The following SEPTIN9 variants were observed in gnomAD, a reference collection of about 807,000 sequenced individuals.
The protein encoded by SEPTIN9 is septin-9.
Under a neutral mutation model 56.6 loss-of-function variants are expected in SEPTIN9, and 13 were observed. That is an observed-to-expected ratio of 0.23 (90% CI 0.15 to 0.37). The LOEUF (loss-of-function observed/expected upper bound fraction) is 0.37, where lower values mean the gene tolerates loss of function less well. Ranked by LOEUF, SEPTIN9 falls within the 10% of genes least tolerant of loss-of-function variation. SEPTIN9 has a pLI of 1.00. For missense variants in SEPTIN9, 650 were observed against 823.1 expected (o/e 0.79, Z 2.57); for synonymous variants, 332 against 334.1 (o/e 0.99, Z 0.07).
At chr17:77,463,923 C>T (rs1293545658) in intron 3 of SEPTIN9, among the ~76,000 whole-genome samples, 1 of 152,092 alleles carries the variant, frequency 6.6e-6, no homozygotes, top group Non-Finnish European at 1.5e-5. Context: ...GAGAACACAG[C>T]ATTCCTACAA....
In SEPTIN9 at chr17:77,310,572, C is replaced by T. The variant is rs548636240; in HGVS notation, c.76+3375C>T. Reference sequence around the variant, plus strand: ...AGGTCTTCTCTGTTACTAGTGCTGCCGGGAACGTGTGTTTCCCCAGGTGGA... The same window carrying T: ...AGGTCTTCTCTGTTACTAGTGCTGCTGGGAACGTGTGTTTCCCCAGGTGGA... On this transcript the variant is annotated intron_variant, in intron 2 of 11. Transcript: ENST00000427177. This position sits in a 1 kb window ranked among gnomAD's most constrained non-coding sequence, Gnocchi z 4.7. Among the ~76,000 whole-genome samples the T allele has an allele frequency of 5.6e-4, 75 of 133,758 alleles. No individual in the cohort carries two copies. Among genetic ancestry groups the T allele is most frequent in the African/African-American group, 2.0e-3 (65 of 33,298 alleles). 87.8% of individuals were successfully genotyped at this position (133,758 alleles called of 152,430 possible).
At chr17:77,380,925 A>G (rs1598282582) in intron 2 of SEPTIN9, among the ~76,000 whole-genome samples, 1 of 151,752 alleles carries the variant, frequency 6.6e-6, no homozygotes, top group African/African-American at 2.4e-5. Context: ...TTTCCTTCTC[A>G]CCCCTTCTAC....
rs564027269 is a variant in SEPTIN9 at position 77,369,795 on chromosome 17, C to G, written c.77-32264C>G. On this transcript the variant is annotated intron_variant, in intron 2 of 11. Coordinates refer to ENST00000427177, the MANE Select transcript of SEPTIN9 (RefSeq NM_001113491.2). The surrounding 1 kb of genome is among the most constrained non-coding windows in gnomAD (Gnocchi z 4.9). ...TTGCTTCCCTGCCAGCTGAGCCTCT[C>G]CATGGAGGCTGTGCCTGGAGGGGGG... is the stretch of plus-strand genomic sequence containing the variant. Among the ~76,000 whole-genome samples the G allele has an allele frequency of 1.3e-5, 2 of 152,232 alleles. No homozygotes were observed. Among genetic ancestry groups the G allele is most frequent in the Non-Finnish European group, 2.9e-5 (2 of 68,032 alleles).
intron 3 of SEPTIN9, among the ~76,000 whole-genome samples, chr17:77,455,094 G>A (rs1173272340): frequency 2.6e-5 from 4 of 150,978 alleles, no homozygotes; most frequent in Admixed American, 1.3e-4. Flanking sequence ...CACTAAATGC[G>A]ATTTGTCAAT....
chr17:77,413,839 C>A (rs2036389296), intron 3 of SEPTIN9, among the ~76,000 whole-genome samples: 1 of 151,594 alleles, frequency 6.6e-6, no homozygotes. Context: ...CCAGGACACA[C>A]CTATATATGG....
In SEPTIN9 at chr17:77,369,771, T is replaced by G. The variant is rs2034665487; in HGVS notation, c.77-32288T>G. Reference sequence around the variant, plus strand: ...CTTCCTTCGCTCTCCGAGCCTCTTTTGCTTCCCTGCCAGCTGAGCCTCTCC... The same window carrying G: ...CTTCCTTCGCTCTCCGAGCCTCTTTGGCTTCCCTGCCAGCTGAGCCTCTCC... On this transcript the variant is annotated intron_variant, in intron 2 of 11. Coordinates refer to ENST00000427177, the MANE Select transcript of SEPTIN9 (RefSeq NM_001113491.2). The surrounding 1 kb of genome is among the most constrained non-coding windows in gnomAD (Gnocchi z 4.9). Among the ~76,000 whole-genome samples, 1 of 152,188 alleles carries G rather than the reference T, an allele frequency of 6.6e-6. No homozygotes were observed. Among genetic ancestry groups the G allele is most frequent in the African/African-American group, 2.4e-5 (1 of 41,446 alleles).
In SEPTIN9 at chr17:77,405,028, T is replaced by G; in HGVS notation, c.721+2325T>G. ...CCATCCTGGGTTGATGTGTTCACAC[T>G]CAGCTGAGTCAAACAGGATGTGGCT... On this transcript the variant is annotated intron_variant, in intron 3 of 11. Transcript: ENST00000427177. The surrounding 1 kb of genome is among the most constrained non-coding windows in gnomAD (Gnocchi z 5.8). 2 of 1,510,254 alleles carry G rather than the reference T, an allele frequency of 1.3e-6. No homozygotes were observed. Among genetic ancestry groups the G allele is most frequent in the Non-Finnish European group, 1.8e-6 (2 of 1,126,774 alleles). The allele number at this position is 1,510,254 out of a possible 1,614,324, so 93.6% of individuals were successfully genotyped here.
chr17:77,299,137 C>A (rs998169362), intron 1 of SEPTIN9, among the ~76,000 whole-genome samples: 1 of 152,226 alleles, frequency 6.6e-6, no homozygotes, highest in African/African-American at 2.4e-5. Context: ...CTGTCCAAGG[C>A]CACACGGCTC....
At chr17:77,455,950 G>A (rs1379233928) in intron 3 of SEPTIN9, among the ~76,000 whole-genome samples, 1 of 152,190 alleles carries the variant, frequency 6.6e-6, no homozygotes, top group East Asian at 1.9e-4. Flanking sequence ...CATTTCCTCG[G>A]GGATTTGAAC....
intron 2 of SEPTIN9, among the ~76,000 whole-genome samples, chr17:77,316,195 C>T (rs2032697496): frequency 6.6e-6 from 1 of 152,230 alleles, no homozygotes; most frequent in South Asian, 2.1e-4. Flanking sequence ...TGGGTCTGCA[C>T]TGGCCTGGTG....
intron 3 of SEPTIN9, chr17:77,446,077 G>A (rs1260716680): frequency 6.0e-6 from 1 of 167,540 alleles, no homozygotes; most frequent in Non-Finnish European, 1.5e-5. Context: ...GTGGGCGGAG[G>A]AATGGACTGA....
chr17:77,465,075 A>G (rs892013032), intron 3 of SEPTIN9, among the ~76,000 whole-genome samples: 1 of 152,180 alleles, frequency 6.6e-6, no homozygotes, highest in African/African-American at 2.4e-5. Context: ...GATAGTTTGT[A>G]TAAGTGGAAT....
chr17:77,282,460 A>G (rs2031071238), intron 1 of SEPTIN9, among the ~76,000 whole-genome samples: 2 of 152,176 alleles, frequency 1.3e-5, no homozygotes, highest in South Asian at 4.1e-4. Flanking sequence ...GGTACCTGCC[A>G]AGGATCCATG....
Position 77,449,827 on chromosome 17 carries a change from C to T in SEPTIN9, c.722-32317C>T, listed in dbSNP as rs2037898163. Among the ~76,000 whole-genome samples, 1 of 152,170 alleles carries T rather than the reference C, an allele frequency of 6.6e-6. No individual in the cohort carries two copies. The highest frequency in any genetic ancestry group is 2.4e-5 in the African/African-American group (1 of 41,432). The stretch of plus-strand genomic sequence containing the variant: ...GAGCTGTATTTTCTGAGTGGCCGCA[C>T]TTCCTGGCCTAGACGTGTGTGTCTT... On this transcript the variant is annotated intron_variant, in intron 3 of 11. Coordinates refer to ENST00000427177, the MANE Select transcript of SEPTIN9 (RefSeq NM_001113491.2). The surrounding 1 kb of genome is among the most constrained non-coding windows in gnomAD (Gnocchi z 4.6).
At chr17:77,390,051 C>CGGATCAG (rs2035479377) in intron 2 of SEPTIN9, among the ~76,000 whole-genome samples, 1 of 152,140 alleles carries the variant, frequency 6.6e-6, no homozygotes, top group South Asian at 2.1e-4. Context: ...GCCTTCGTCC[C>CGGATCAG]GGATCAGTCG....
chr17:77,396,518 C>T (rs1041211127), intron 2 of SEPTIN9, among the ~76,000 whole-genome samples: 7 of 152,138 alleles, frequency 4.6e-5, no homozygotes, highest in African/African-American at 1.7e-4. Context: ...GACCTGCTAC[C>T]CCTGGGCAGG....
At chr17:77,396,465 C>T (rs943007856) in intron 2 of SEPTIN9, among the ~76,000 whole-genome samples, 13 of 152,158 alleles carry the variant, frequency 8.5e-5, no homozygotes, top group African/African-American at 2.9e-4. Context: ...CCCTTGGCTG[C>T]GTCTCCCTCC....
Position 77,479,137 on chromosome 17 carries a change from C to G in SEPTIN9, c.722-3007C>G, listed in dbSNP as rs142980742. ...CTTAACACCACTGGACTGCACACTT[C>G]AAAATAGTGACCGTGGCAAACGTTA... On this transcript the variant is annotated intron_variant, in intron 3 of 11. Transcript: ENST00000427177. Among the ~76,000 whole-genome samples, 618 of 152,320 alleles carry G rather than the reference C, an allele frequency of 4.1e-3. 30 individuals are homozygous for G. In the South Asian group the frequency reaches 0.099, roughly 24 times the overall value.
chr17:77,356,269 C>T (rs1378815501), intron 2 of SEPTIN9, among the ~76,000 whole-genome samples: 1 of 152,162 alleles, frequency 6.6e-6, no homozygotes, highest in Non-Finnish European at 1.5e-5. Context: ...GCACCGTGCA[C>T]CTGGCATGGC....
Sources: allele counts gnomAD v4.1 joint callset (sites outside exome capture counted in the v4.1 genomes callset), GRCh38; gene constraint gnomAD v4.1.1; non-coding constraint Gnocchi (gnomAD v3.1); transcripts MANE v1.5; gene names NCBI Gene and HGNC (gene_info 2026-07-23, HGNC 2026-07-21).